TULP4: variants seen among roughly 807,000 people sequenced by gnomAD.
The protein encoded by TULP4 is tubby-related protein 4.
TULP4 carries 16 observed loss-of-function variants against 129.0 expected under a neutral mutation model. The ratio of observed to expected loss-of-function variants is 0.12; its 90% CI spans 0.08 to 0.19. The LOEUF is 0.19. Ranked by LOEUF, TULP4 falls within the 10% of genes least tolerant of loss-of-function variation. The pLI is 1.00. For missense variants in TULP4, 1,842 were observed against 2,059.1 expected (o/e 0.89, Z 2.04); for synonymous variants, 998 against 854.0 (o/e 1.17, Z -2.94).
intron 1 of TULP4, among the ~76,000 whole-genome samples, chr6:158,392,703 C>T (rs552958653): frequency 3.4e-5 from 5 of 148,970 alleles, no homozygotes; most frequent in South Asian, 2.2e-4. Context: ...GGGACTATGG[C>T]GGCTGAGTGG....
chr6:158,339,216 C>T (rs370423715), intron 1 of TULP4, among the ~76,000 whole-genome samples: 45 of 151,622 alleles, frequency 3.0e-4, no homozygotes, highest in African/African-American at 7.5e-4. Flanking sequence ...GTGATGCCCC[C>T]GAGCCGTAAA....
intron 1 of TULP4, among the ~76,000 whole-genome samples, chr6:158,382,508 G>A (rs1367158941): frequency 2.0e-5 from 3 of 152,182 alleles, no homozygotes; most frequent in Non-Finnish European, 4.4e-5. Flanking sequence ...AAGCAGCAGC[G>A]AGGGTGAGAA....
intron 1 of TULP4, among the ~76,000 whole-genome samples, chr6:158,399,072 C>T (rs1057331400): frequency 3.3e-5 from 5 of 152,206 alleles, no homozygotes; most frequent in African/African-American, 9.6e-5. Context: ...ATGCTTTTCT[C>T]TGCCTCAGTT....
intron 3 of TULP4, among the ~76,000 whole-genome samples, chr6:158,446,634 G>A (rs920521063): frequency 1.3e-5 from 2 of 152,148 alleles, no homozygotes; most frequent in African/African-American, 4.8e-5. Flanking sequence ...TGTGGTTCAG[G>A]TCTCAGCTTG....
chr6:158,503,336 G>T lies in TULP4; in HGVS notation c.3673G>T (p.Val1225Leu). The stretch of plus-strand genomic sequence containing the variant: ...GCAGTTTGCACAACAGGAGCCTGCT[G>T]TGGTCCTTCAGCCGCTGTACCCACC... ...PTQFAQQEPA[V>L]VLQPLYPPSL... The change falls in exon 13 of 14, where the codon GTG becomes TTG. Residue 1225 changes from valine (V) to leucine (L), a missense_variant. Val to Leu is a conservative substitution (Grantham distance 32). Coordinates refer to ENST00000367097, the MANE Select transcript of TULP4 (RefSeq NM_020245.5). The surrounding 1 kb of genome is among the most constrained non-coding windows in gnomAD (Gnocchi z 4.3). 6.2e-7 allele frequency: 1 copy of T among 1,613,732 alleles called. No homozygotes were observed. The highest frequency in any genetic ancestry group is 8.5e-7 in the Non-Finnish European group (1 of 1,179,958).
At chr6:158,431,958 C>T (rs767952250) in intron 3 of TULP4, among the ~76,000 whole-genome samples, 29 of 151,870 alleles carry the variant, frequency 1.9e-4, no homozygotes, top group Admixed American at 4.6e-4. Flanking sequence ...TCTAGGAAAG[C>T]GCCCCCACTG....
intron 1 of TULP4, among the ~76,000 whole-genome samples, chr6:158,374,609 T>G (rs1777145640): frequency 1.3e-5 from 2 of 152,232 alleles, no homozygotes; most frequent in African/African-American, 2.4e-5. Flanking sequence ...CTCACTGTTT[T>G]ACTTCTTAAA....
At chr6:158,458,639 A>G (rs937602169) in intron 5 of TULP4, among the ~76,000 whole-genome samples, 1 of 152,268 alleles carries the variant, frequency 6.6e-6, no homozygotes, top group Non-Finnish European at 1.5e-5. Flanking sequence ...AATAAGACAG[A>G]CATCATTTAC....
In TULP4 at chr6:158,501,889, C is replaced by G; in HGVS notation, c.2226C>G (p.Thr742=). 5.0e-6 allele frequency: 8 copies of G among 1,614,126 alleles called. No homozygotes were observed. Among genetic ancestry groups the G allele is most frequent in the South Asian group, 1.1e-5 (1 of 91,082 alleles). Residue 742 remains threonine (T), a synonymous_variant, in exon 13 of 14, where the codon ACC becomes ACG. Transcript: ENST00000367097. The part of the protein sequence containing the change: ...GTAEHAGDSA[T]QYPVSNRYSN... ...CAGAACATGCAGGTGACAGTGCCAC[C>G]CAGTACCCAGTCTCCAACCGGTACT...
At chr6:158,427,470 CCTTTTTTTTTTTTTT>C (rs1778523731) in intron 2 of TULP4, among the ~76,000 whole-genome samples, 4 of 100,678 alleles carry the variant, frequency 4.0e-5, no homozygotes, top group Non-Finnish European at 1.9e-5. Flanking sequence ...AATTATCAGA[CCTTTTTTTTTTTTTT>C]TTTTTTTTTT....
intron 1 of TULP4, among the ~76,000 whole-genome samples, chr6:158,285,899 G>A (rs1778827771): frequency 6.6e-6 from 1 of 152,158 alleles, no homozygotes; most frequent in Non-Finnish European, 1.5e-5. Flanking sequence ...CTATAGCCAG[G>A]GCTCTGTTCG....
At chr6:158,441,544 T>C (rs1778899620) in intron 3 of TULP4, among the ~76,000 whole-genome samples, 1 of 152,184 alleles carries the variant, frequency 6.6e-6, no homozygotes, top group African/African-American at 2.4e-5. Flanking sequence ...TTCCTGGGGT[T>C]CCACATGGCA....
In TULP4 at chr6:158,502,727, G is replaced by A. The variant is rs550864790; in HGVS notation, c.3064G>A (p.Val1022Met). 4 of 1,571,824 alleles carry A rather than the reference G, an allele frequency of 2.5e-6. No individual in the cohort carries two copies. Among genetic ancestry groups the A allele is most frequent in the Non-Finnish European group, 3.4e-6 (4 of 1,162,812 alleles). ...LAKSKGGPGG[V>M]VTQLPARPPP... Reference sequence around the variant, plus strand: ...CAAGTCCAAGGGCGGGCCCGGGGGGGTGGTGACACAGCTCCCAGCGCGGCC... The same window carrying A: ...CAAGTCCAAGGGCGGGCCCGGGGGGATGGTGACACAGCTCCCAGCGCGGCC... Residue 1022 changes from valine to methionine, a missense_variant, in exon 13 of 14, where the codon GTG becomes ATG. Physicochemically the swap from Val to Met is conservative, Grantham distance 21. Transcript: ENST00000367097.
intron 1 of TULP4, among the ~76,000 whole-genome samples, chr6:158,250,706 T>C (rs1016154269): frequency 1.3e-5 from 2 of 152,206 alleles, no homozygotes; most frequent in Admixed American, 6.5e-5. Flanking sequence ...GTCATATAAA[T>C]GGAATCTCCT....
Position 158,479,743 on chromosome 6 carries a change from C to A in TULP4, c.1027-8C>A. On this transcript the variant is annotated splice_region_variant and splice_polypyrimidine_tract_variant and intron_variant, in intron 6 of 13. Transcript: ENST00000367097. ...CTTAAGCATTGTCTTCCCTTCACTT[C>A]CTGCCAGCGCCCCATCATCTCCATC... 1.2e-6 allele frequency: 2 copies of A among 1,611,648 alleles called. No homozygotes were observed. Among genetic ancestry groups the A allele is most frequent in the South Asian group, 2.2e-5 (2 of 90,994 alleles).
chr6:158,271,650 A>T (rs1778549707), intron 1 of TULP4, among the ~76,000 whole-genome samples: 1 of 152,028 alleles, frequency 6.6e-6, no homozygotes, highest in Non-Finnish European at 1.5e-5. Context: ...GGCTAGTCTC[A>T]AACTCCTGAG....
chr6:158,435,826 C>T (rs1366457688), intron 3 of TULP4, among the ~76,000 whole-genome samples: 1 of 152,162 alleles, frequency 6.6e-6, no homozygotes, highest in Non-Finnish European at 1.5e-5. Flanking sequence ...TCCGGTCCCT[C>T]ATCTGCACTC....
chr6:158,253,711 C>T (rs1778188700), intron 1 of TULP4, among the ~76,000 whole-genome samples: 2 of 152,138 alleles, frequency 1.3e-5, no homozygotes, highest in South Asian at 2.1e-4. Flanking sequence ...TTCTGACCTA[C>T]AGAACGCCAC....
At chr6:158,410,376 A>AAAT (rs78462797) in intron 1 of TULP4, among the ~76,000 whole-genome samples, 36,920 of 152,084 alleles carry the variant, frequency 0.24, 5,662 homozygotes, top group Non-Finnish European at 0.34. Flanking sequence ...GCAAAAATGT[A>AAAT]AATGTGGCTA....
Sources: allele counts gnomAD v4.1 joint callset (sites outside exome capture counted in the v4.1 genomes callset), GRCh38; gene constraint gnomAD v4.1.1; non-coding constraint Gnocchi (gnomAD v3.1); transcripts MANE v1.5; gene names NCBI Gene and HGNC (gene_info 2026-07-23, HGNC 2026-07-21).